Variants in SLC22A16 observed in about 807,000 individuals in gnomAD.
SLC22A16 encodes solute carrier family 22 member 16, also known as WUGSC:RG331P03.1.
A neutral mutation model predicts 52.9 loss-of-function variants in SLC22A16; 53 were observed. The observed-to-expected ratio is 1.00, with a 90% CI of 0.80 to 1.26. SLC22A16 has a LOEUF of 1.26. Among genes scored for constraint, SLC22A16 ranks in the 50% most tolerant of loss-of-function variants. The pLI, the probability that SLC22A16 is intolerant of heterozygous loss-of-function variation, is 0.00. For missense variants in SLC22A16, 726 were observed against 704.0 expected (o/e 1.03, Z -0.35); for synonymous variants, 291 against 268.8 (o/e 1.08, Z -0.81).
chr6:110,447,589 T>C (rs757140720), intron 2 of SLC22A16, among the ~76,000 whole-genome samples: 13 of 152,198 alleles, frequency 8.5e-5, no homozygotes, highest in Non-Finnish European at 1.9e-4. Flanking sequence ...TGTGCAACCA[T>C]CATCATTCTT....
chr6:110,461,825 C>T (rs1775896055), intron 1 of SLC22A16, among the ~76,000 whole-genome samples: 1 of 152,206 alleles, frequency 6.6e-6, no homozygotes, highest in African/African-American at 2.4e-5. Flanking sequence ...AAAAAGAATA[C>T]AAACTTTAAA....
intron 3 of SLC22A16, among the ~76,000 whole-genome samples, chr6:110,443,485 A>G (rs1379375216): frequency 1.1e-4 from 17 of 152,198 alleles, no homozygotes; most frequent in Admixed American, 1.1e-3. Context: ...TCAATGCTAC[A>G]AAGAGATACC....
intron 6 of SLC22A16, among the ~76,000 whole-genome samples, chr6:110,432,377 A>T (rs1774541398): frequency 6.6e-6 from 1 of 152,242 alleles, no homozygotes; most frequent in South Asian, 2.1e-4. Flanking sequence ...AAAATACTAT[A>T]ATATTCATAA....
intron 2 of SLC22A16, among the ~76,000 whole-genome samples, chr6:110,450,189 G>T (rs1455390080): frequency 6.8e-6 from 1 of 147,950 alleles, no homozygotes; most frequent in Non-Finnish European, 1.5e-5. Context: ...AAAAAAAAAG[G>T]AGGGGGGGGC....
At chr6:110,438,109 G>A (rs916603709) in intron 5 of SLC22A16, among the ~76,000 whole-genome samples, 2 of 151,966 alleles carry the variant, frequency 1.3e-5, no homozygotes, top group Middle Eastern at 3.4e-3. Flanking sequence ...GGTGCCAGAC[G>A]CCCTCTCGTT....
intron 7 of SLC22A16, chr6:110,425,355 A>G (rs1774216775): frequency 3.6e-6 from 5 of 1,383,998 alleles, no homozygotes; most frequent in Non-Finnish European, 4.8e-6. Context: ...TGCCTGCATT[A>G]TTACTCCTGA....
intron 1 of SLC22A16, among the ~76,000 whole-genome samples, chr6:110,475,363 T>C (rs1164854213): frequency 6.6e-6 from 1 of 152,174 alleles, no homozygotes; most frequent in African/African-American, 2.4e-5. Context: ...AGGGTGATAC[T>C]ACCAACCTTA....
Position 110,451,696 on chromosome 6 carries a change from C to T in SLC22A16, c.534-4706G>A, listed in dbSNP as rs541949930. Among the ~76,000 whole-genome samples the T allele has an allele frequency of 2.6e-5, 4 of 152,242 alleles. No individual in the cohort carries two copies. In the South Asian group the frequency reaches 8.3e-4, roughly 32 times the overall value. The stretch of plus-strand genomic sequence containing the variant: ...GTTATATGTAAAGCAAATATTTTCT[C>T]TCTCTTGTGTGCACACATTCATGTC... On this transcript the variant is annotated intron_variant, in intron 2 of 7. Coordinates refer to ENST00000368919, the MANE Select transcript of SLC22A16 (RefSeq NM_033125.4).
At chr6:110,475,471 G>C (rs189797429) in intron 1 of SLC22A16, among the ~76,000 whole-genome samples, 3 of 152,338 alleles carry the variant, frequency 2.0e-5, no homozygotes, top group African/African-American at 7.2e-5. Flanking sequence ...AGAGGAAGAA[G>C]GGAACAGCTG....
chr6:110,464,299 G>A (rs1013931836), intron 1 of SLC22A16, among the ~76,000 whole-genome samples: 1 of 151,832 alleles, frequency 6.6e-6, no homozygotes, highest in Admixed American at 6.6e-5. Context: ...AAAGATCAGA[G>A]AAGATTTGAT....
chr6:110,429,172 C>T (rs1774396023), intron 7 of SLC22A16, among the ~76,000 whole-genome samples: 1 of 152,054 alleles, frequency 6.6e-6, no homozygotes, highest in Non-Finnish European at 1.5e-5. Flanking sequence ...CAAGTGCTAG[C>T]ACAAAGGAGA....
At chr6:110,468,336 T>C (rs1776141772) in intron 1 of SLC22A16, among the ~76,000 whole-genome samples, 1 of 152,136 alleles carries the variant, frequency 6.6e-6, no homozygotes, top group African/African-American at 2.4e-5. Flanking sequence ...AATATGTCCC[T>C]GCCAGTAGTA....
intron 4 of SLC22A16, among the ~76,000 whole-genome samples, chr6:110,441,531 G>T (rs942907946): frequency 1.3e-5 from 2 of 152,230 alleles, no homozygotes; most frequent in Non-Finnish European, 2.9e-5. Context: ...CCAGTCGAAA[G>T]CAAAGGTCAT....
At chr6:110,426,531 A>T (rs1562273619) in intron 7 of SLC22A16, among the ~76,000 whole-genome samples, 1 of 150,318 alleles carries the variant, frequency 6.7e-6, no homozygotes, top group Non-Finnish European at 1.5e-5. Flanking sequence ...ATCCTTTCAC[A>T]CTCTCCAGAC....
At chr6:110,452,348 G>T (rs1775418205) in intron 2 of SLC22A16, among the ~76,000 whole-genome samples, 1 of 152,124 alleles carries the variant, frequency 6.6e-6, no homozygotes, top group African/African-American at 2.4e-5. Context: ...ATACAAAATT[G>T]TAATAACTAC....
intron 5 of SLC22A16, 29 bp from the exon 6 acceptor site, chr6:110,435,990 C>T: frequency 7.4e-7 from 1 of 1,359,610 alleles, no homozygotes; most frequent in Non-Finnish European, 1.0e-6. Flanking sequence ...AATAGATCAT[C>T]ACAAGTGGTA....
chr6:110,429,235 C>G (rs1247842432), intron 7 of SLC22A16, among the ~76,000 whole-genome samples: 1 of 152,154 alleles, frequency 6.6e-6, no homozygotes, highest in African/African-American at 2.4e-5. Flanking sequence ...CCCCAAAACA[C>G]CTCCCACACA....
chr6:110,462,551 T>C (rs1476720544), intron 1 of SLC22A16, among the ~76,000 whole-genome samples: 1 of 152,192 alleles, frequency 6.6e-6, no homozygotes, highest in Non-Finnish European at 1.5e-5. Flanking sequence ...AAGACCAATC[T>C]TTCTATTTTA....
chr6:110,456,926 G>C lies in SLC22A16; in HGVS notation c.145C>G (p.His49Asp). 1 of 1,613,064 alleles carries C rather than the reference G, an allele frequency of 6.2e-7. No homozygotes were observed. Residue 49 changes from histidine (H) to aspartate (D), a missense_variant, in exon 2 of 8, where the codon CAT becomes GAT. Coordinates refer to ENST00000368919, the MANE Select transcript of SLC22A16 (RefSeq NM_033125.4). The stretch of plus-strand genomic sequence containing the variant: ...TTGCCTGGGGGCCTGCAGACATGAT[G>C]AGGGGTGACTCCCATGAACACAGAA... ...LASVFMGVTP[H>D]HVCRPPGNVS...
Sources: allele counts gnomAD v4.1 joint callset (sites outside exome capture counted in the v4.1 genomes callset), GRCh38; gene constraint gnomAD v4.1.1; transcripts MANE v1.5; gene names NCBI Gene and HGNC (gene_info 2026-07-23, HGNC 2026-07-21).